Variants in ACTR3C observed in about 807,000 individuals in gnomAD.
ACTR3C encodes actin related protein 3C.
A neutral mutation model predicts 26.3 loss-of-function variants in ACTR3C; 18 were observed. That is an observed-to-expected ratio of 0.68 (90% CI 0.47 to 1.01). The LOEUF is 1.01. Among genes scored for constraint, ACTR3C ranks in the 50% least tolerant of loss-of-function variants. The probability of loss-of-function intolerance (pLI) is 0.00; values close to 1 mark genes in which losing one functional copy is unlikely to be tolerated. For synonymous variants in ACTR3C, 55 were observed against 94.5 expected (o/e 0.58, Z 2.42); for missense variants, 184 against 250.7 (o/e 0.73, Z 1.80).
At chr7:150,199,697 AAAAAT>A in the ACTR3C span, among the ~76,000 whole-genome samples, 39 of 143,996 alleles carry the variant, frequency 2.7e-4, no homozygotes, top group Non-Finnish European at 5.1e-4. Context: ...GTAAAAAAAA[AAAAAT>A]AAATGTCATA....
At chr7:150,290,748 T>C (rs1362954975) in intron 3 of ACTR3C, among the ~76,000 whole-genome samples, 2 of 152,226 alleles carry the variant, frequency 1.3e-5, no homozygotes, top group Non-Finnish European at 2.9e-5. Flanking sequence ...TATTTTAAGA[T>C]GGAGATAAAA....
At chr7:150,202,144 C>A in the ACTR3C span, among the ~76,000 whole-genome samples, 1 of 152,154 alleles carries the variant, frequency 6.6e-6, no homozygotes, top group Non-Finnish European at 1.5e-5. Context: ...CTTTCCTCAA[C>A]TTAGGGCCCC....
the ACTR3C span, among the ~76,000 whole-genome samples, chr7:149,913,494 G>A: frequency 1.5e-3 from 221 of 152,126 alleles, no homozygotes; most frequent in African/African-American, 5.2e-3. Context: ...GTTGTAGCAT[G>A]GCTTACTTTA....
chr7:150,125,919 ACTTAAT>A, the ACTR3C span, among the ~76,000 whole-genome samples: 1 of 152,206 alleles, frequency 6.6e-6, no homozygotes, highest in South Asian at 2.1e-4. Context: ...CAGAGTGACA[ACTTAAT>A]TGAGTCCTGC....
At chr7:149,940,458 T>C in the ACTR3C span, among the ~76,000 whole-genome samples, 3 of 151,716 alleles carry the variant, frequency 2.0e-5, no homozygotes, top group Non-Finnish European at 4.4e-5. Flanking sequence ...CCACTAGTAT[T>C]GATCATTCCT....
the ACTR3C span, among the ~76,000 whole-genome samples, chr7:149,915,041 T>G: frequency 1.1e-3 from 163 of 152,024 alleles, 2 homozygotes; most frequent in South Asian, 0.033. Flanking sequence ...CACCACGCCC[T>G]GCTAATTTTT....
the ACTR3C span, chr7:150,047,568 G>A: frequency 5.3e-6 from 5 of 937,042 alleles, no homozygotes; most frequent in African/African-American, 9.1e-5. Context: ...CGCTCAGCCC[G>A]GAGCCCCCGC....
At chr7:150,120,273 T>C in the ACTR3C span, among the ~76,000 whole-genome samples, 1 of 151,664 alleles carries the variant, frequency 6.6e-6, no homozygotes, top group Non-Finnish European at 1.5e-5. Flanking sequence ...AAAAAACCCT[T>C]CAAAAATCAA....
the ACTR3C span, among the ~76,000 whole-genome samples, chr7:149,982,253 C>T: frequency 1.3e-5 from 2 of 152,252 alleles, no homozygotes; most frequent in East Asian, 3.9e-4. Flanking sequence ...CCTTAGCTCT[C>T]TCTGACTCTC....
chr7:150,053,682 C>T, the ACTR3C span, among the ~76,000 whole-genome samples: 3 of 152,324 alleles, frequency 2.0e-5, no homozygotes, highest in South Asian at 2.1e-4. Context: ...TCAAATGCAA[C>T]GTCTTTTCCT....
chr7:150,238,089 G>A, the ACTR3C span, among the ~76,000 whole-genome samples: 8 of 150,238 alleles, frequency 5.3e-5, no homozygotes, highest in South Asian at 1.5e-3. Context: ...CCTGAATCAA[G>A]GCATATTATG....
At chr7:149,882,732 CAG>C in the ACTR3C span, among the ~76,000 whole-genome samples, 41 of 152,342 alleles carry the variant, frequency 2.7e-4, no homozygotes, top group Middle Eastern at 0.01. Context: ...TAACCACTGA[CAG>C]GGGAGAAGCT....
chr7:150,016,479 T>TG, the ACTR3C span, among the ~76,000 whole-genome samples: 1 of 152,094 alleles, frequency 6.6e-6, no homozygotes, highest in Non-Finnish European at 1.5e-5. Context: ...CCAGGTTCCA[T>TG]GCAGACCTCC....
At chr7:149,927,784 A>T in the ACTR3C span, among the ~76,000 whole-genome samples, 1 of 152,168 alleles carries the variant, frequency 6.6e-6, no homozygotes, top group Non-Finnish European at 1.5e-5. Context: ...AAAAATAAAA[A>T]TAAGTAAGCA....
At chr7:150,226,338 G>GAGGAAA in the ACTR3C span, among the ~76,000 whole-genome samples, 1 of 152,106 alleles carries the variant, frequency 6.6e-6, no homozygotes, top group African/African-American at 2.4e-5. Context: ...TGCTCCTATT[G>GAGGAAA]CTCTGCTTCC....
intron 1 of ACTR3C, among the ~76,000 whole-genome samples, chr7:150,300,369 A>G (rs996747058): frequency 6.6e-6 from 1 of 152,180 alleles, no homozygotes; most frequent in African/African-American, 2.4e-5. Context: ...ACAACAACAA[A>G]AAAAGAAAGA....
At chr7:150,208,344 A>G in the ACTR3C span, among the ~76,000 whole-genome samples, 1 of 152,198 alleles carries the variant, frequency 6.6e-6, no homozygotes, top group Non-Finnish European at 1.5e-5. Flanking sequence ...AATTAGCTGA[A>G]TACAGAACAG....
At chr7:150,253,279 C>T (rs1421544146) in intron 6 of ACTR3C, among the ~76,000 whole-genome samples, 1 of 152,142 alleles carries the variant, frequency 6.6e-6, no homozygotes, top group Admixed American at 6.5e-5. Context: ...TTATCTTACA[C>T]CTCTTTATCC....
At chr7:150,312,556 G>A (rs1166014715) in intron 1 of ACTR3C, among the ~76,000 whole-genome samples, 1 of 152,142 alleles carries the variant, frequency 6.6e-6, no homozygotes, top group Admixed American at 6.5e-5. Context: ...ACTGTTTTTA[G>A]AGAACTTATT....
Sources: gnomAD v4.1 joint callset for allele counts (sites outside exome capture counted in the v4.1 genomes callset) on GRCh38, gnomAD v4.1.1 for gene constraint, MANE v1.5 for transcripts, NCBI Gene and HGNC (gene_info 2026-07-23, HGNC 2026-07-21) for gene names.